RALGAPB: variants seen among roughly 807,000 people sequenced by gnomAD.
RALGAPB encodes Ral GTPase activating protein non-catalytic subunit beta.
RALGAPB carries 25 observed loss-of-function variants against 161.1 expected under a neutral mutation model. The observed-to-expected ratio is 0.16, with a 90% CI of 0.11 to 0.22. The LOEUF is 0.22. Among genes scored for constraint, RALGAPB ranks in the 10% least tolerant of loss-of-function variants. RALGAPB has a pLI of 1.00. For synonymous variants in RALGAPB, 629 were observed against 626.1 expected (o/e 1.00, Z -0.07); for missense variants, 1,391 against 1,815.2 (o/e 0.77, Z 4.25).
At chr20:38,551,036 C>A in intron 20 of RALGAPB, 35 bp from the exon 21 acceptor site, 1 of 1,606,802 alleles carries the variant, frequency 6.2e-7, no homozygotes, top group Non-Finnish European at 8.5e-7. Flanking sequence ...GTATTGGACC[C>A]TGTGTAATAA....
chr20:38,533,463 A>G lies in RALGAPB; in HGVS notation c.2245+604A>G, dbSNP rs1440332392. 2.0e-5 allele frequency among the ~76,000 whole-genome samples: 3 copies of G among 152,244 alleles called. No homozygotes were observed. The South Asian group carries it at 6.2e-4, about 31-fold the overall frequency. On this transcript the variant is annotated intron_variant, in intron 15 of 29. Coordinates refer to ENST00000262879, the MANE Select transcript of RALGAPB (RefSeq NM_020336.4). ...TGTGGGTACCTTTATGTTTTTCTAC[A>G]CAAGTACTAACAGTGTATTAAATCT...
chr20:38,531,380 G>A (rs1231078917), intron 14 of RALGAPB, 149 bp downstream of exon 14: 2 of 680,048 alleles, frequency 2.9e-6, no homozygotes, highest in Non-Finnish European at 4.8e-6. Context: ...TAAAAATAAT[G>A]TATATTTTGA....
intron 20 of RALGAPB, 127 bp downstream of exon 20, chr20:38,548,922 T>C (rs2087265642): frequency 4.0e-6 from 3 of 743,646 alleles, no homozygotes; most frequent in Admixed American, 4.9e-5. Flanking sequence ...GTCAGTGGGT[T>C]CATATCAGAA....
chr20:38,574,069 A>C, intron 28 of RALGAPB, 81 bp from the exon 29 acceptor site: 3 of 1,391,630 alleles, frequency 2.2e-6, no homozygotes, highest in South Asian at 2.9e-5. Context: ...ATCTTAGGCT[A>C]TATGTGGGGG....
chr20:38,520,714 A>G (rs1295591775), intron 9 of RALGAPB, among the ~76,000 whole-genome samples: 5 of 152,098 alleles, frequency 3.3e-5, no homozygotes, highest in Non-Finnish European at 7.4e-5. Context: ...TAAATCTATT[A>G]TAAAATAATT....
rs2145382431 is a variant in RALGAPB, at chr20:38,539,836, A to G, written c.2440A>G (p.Ile814Val). 1 of 1,614,082 alleles carries G rather than the reference A, an allele frequency of 6.2e-7. No individual in the cohort carries two copies. Among genetic ancestry groups the G allele is most frequent in the Non-Finnish European group, 8.5e-7 (1 of 1,179,974 alleles). ...KRAISSVCTY[I>V]VYQCSRPAPL... ...AGCCATCAGTTCTGTGTGCACCTAC[A>G]TTGTTTATCAGTGTAGTCGGCCAGC... The change falls in exon 17 of 30, where the codon ATT becomes GTT. Residue 814 changes from isoleucine (I) to valine (V), a missense_variant. This residue lies in a region of RALGAPB where 946 missense variants were observed against 1,257.2 expected (regional missense o/e 0.75). Transcript: ENST00000262879.
intron 5 of RALGAPB, among the ~76,000 whole-genome samples, chr20:38,505,778 T>C (rs763039866): frequency 6.6e-6 from 1 of 152,190 alleles, no homozygotes; most frequent in Non-Finnish European, 1.5e-5. Context: ...GCAATGTTTG[T>C]TTTATTAGGG....
intron 13 of RALGAPB, 106 bp from the exon 14 acceptor site, chr20:38,531,061 C>G (rs1023533223): frequency 2.0e-6 from 2 of 1,011,034 alleles, no homozygotes; most frequent in Non-Finnish European, 3.0e-6. Context: ...CAGGAATGCT[C>G]AACCAAAATT....
chr20:38,531,958 G>C (rs891982912), intron 14 of RALGAPB, among the ~76,000 whole-genome samples: 1 of 152,172 alleles, frequency 6.6e-6, no homozygotes, highest in African/African-American at 2.4e-5. Flanking sequence ...ATACATACGG[G>C]AGTTAAAACT....
At chr20:38,562,748 GTT>G (rs11479954) in intron 24 of RALGAPB, 51 bp downstream of exon 24, 19 of 1,221,460 alleles carry the variant, frequency 1.6e-5, no homozygotes, top group African/African-American at 3.2e-5. Context: ...TGTTAGTCTT[GTT>G]TTTTTTTTTC....
chr20:38,554,867 C>T (rs543703807), intron 22 of RALGAPB, among the ~76,000 whole-genome samples: 4 of 152,278 alleles, frequency 2.6e-5, no homozygotes, highest in African/African-American at 7.2e-5. Context: ...CACATGAGGC[C>T]AGGAGTTCGA....
intron 1 of RALGAPB, among the ~76,000 whole-genome samples, chr20:38,478,435 T>C (rs981891366): frequency 4.6e-5 from 7 of 152,106 alleles, no homozygotes; most frequent in Non-Finnish European, 7.4e-5. Flanking sequence ...TTTTCTTTTT[T>C]TTTGAGACGG....
intron 6 of RALGAPB, among the ~76,000 whole-genome samples, chr20:38,510,849 G>A (rs1259346919): frequency 1.7e-5 from 2 of 120,472 alleles, no homozygotes; most frequent in African/African-American, 1.3e-4. Context: ...GGCGGAGCTT[G>A]CAGTGAGCCG....
At chr20:38,545,168 A>G (rs1367390066) in intron 18 of RALGAPB, among the ~76,000 whole-genome samples, 1 of 152,154 alleles carries the variant, frequency 6.6e-6, no homozygotes, top group East Asian at 1.9e-4. Flanking sequence ...GAACAGATAG[A>G]CTCGCAAAGC....
At chr20:38,475,185 A>G (rs959697976) in intron 1 of RALGAPB, among the ~76,000 whole-genome samples, 2 of 152,214 alleles carry the variant, frequency 1.3e-5, no homozygotes, top group Non-Finnish European at 2.9e-5. Context: ...CATTGTCCAA[A>G]AAAGTGTTTA....
At position 38,472,892 on chromosome 20, in the gene RALGAPB, C is replaced by T. The variant is rs1429022252; in HGVS notation, c.-208C>T. The T allele has an allele frequency of 1.3e-5, 5 of 398,840 alleles. No individual in the cohort carries two copies. Among genetic ancestry groups the T allele is most frequent in the Non-Finnish European group, 2.2e-5 (5 of 226,000 alleles). 24.7% of individuals were successfully genotyped at this position (398,840 alleles called of 1,614,324 possible). A position where few individuals can be genotyped will look rare whatever the true frequency, so the allele number is the denominator to read the frequency against. ...CCAGCCGGCTGGCTCGAGTGGCCTT[C>T]GTCGTCCCTTGGCGCCCTGGGAGAG... On this transcript the variant is annotated 5_prime_UTR_variant, in exon 1 of 30. Coordinates refer to ENST00000262879, the MANE Select transcript of RALGAPB (RefSeq NM_020336.4).
Position 38,577,906 on chromosome 20 carries a change from T to A in RALGAPB, c.*2939T>A, listed in dbSNP as rs1230945281. The A allele has an allele frequency of 6.6e-6, 1 of 152,182 alleles. No homozygotes were observed. The highest frequency in any genetic ancestry group is 1.5e-5 in the Non-Finnish European group (1 of 68,048). The allele number at this position is 152,182 out of a possible 1,614,324, so 9.4% of individuals were successfully genotyped here. A position where few individuals can be genotyped will look rare whatever the true frequency, so the allele number is the denominator to read the frequency against. On this transcript the variant is annotated 3_prime_UTR_variant, in exon 30 of 30. Transcript: ENST00000262879. ...ATGAACGGTTACCTTCTCCATACAC[T>A]AGGGAAGCATTTGTCAGACTCTGCA...
chr20:38,488,549 T>C lies in RALGAPB; in HGVS notation c.117T>C (p.Arg39=). Residue 39 remains arginine (R), a synonymous_variant, in exon 2 of 30, where the codon CGT becomes CGC. Coordinates refer to ENST00000262879, the MANE Select transcript of RALGAPB (RefSeq NM_020336.4). ...GAGAGGTGGCAAATGCTGTAGTCCG[T>C]CCTCTTGGGCAGGTGTTAGGTACCC... is the stretch of plus-strand genomic sequence containing the variant. The part of the protein sequence containing the change: ...VGREVANAVV[R]PLGQVLGTPS... 6.2e-7 allele frequency: 1 copy of C among 1,614,202 alleles called. No homozygotes were observed. The highest frequency in any genetic ancestry group is 8.5e-7 in the Non-Finnish European group (1 of 1,180,030).
chr20:38,486,378 TA>T (rs919546084), intron 1 of RALGAPB, among the ~76,000 whole-genome samples: 1 of 152,194 alleles, frequency 6.6e-6, no homozygotes, highest in Non-Finnish European at 1.5e-5. Context: ...TTTAAAAACT[TA>T]AAAAAAGTTT....
Sources: gnomAD v4.1 joint callset for allele counts (sites outside exome capture counted in the v4.1 genomes callset) on GRCh38, gnomAD v4.1.1 for gene constraint, gnomAD v4.1.1 regional missense constraint, MANE v1.5 for transcripts, NCBI Gene and HGNC (gene_info 2026-07-23, HGNC 2026-07-21) for gene names.